NCAN: variants seen among roughly 807,000 people sequenced by gnomAD.
NCAN encodes the protein neurocan core protein.
In NCAN, 47 loss-of-function variants were observed where a neutral mutation model predicts 121.8. The observed-to-expected ratio is 0.39, with a 90% CI of 0.31 to 0.49. The LOEUF (loss-of-function observed/expected upper bound fraction) is 0.49, where lower values mean the gene tolerates loss of function less well. Among genes scored for constraint, NCAN ranks in the 20% least tolerant of loss-of-function variants. The pLI is 0.92. For synonymous variants in NCAN, 633 were observed against 702.0 expected, an observed-to-expected ratio of 0.90 and a Z score of 1.55; for missense variants, 1,517 against 1,773.4, an observed-to-expected ratio of 0.86 and a Z score of 2.60.
chr19:19,235,792 A>T (rs2060879140), intron 10 of NCAN, among the ~76,000 whole-genome samples: 1 of 151,698 alleles, frequency 6.6e-6, no homozygotes, highest in Non-Finnish European at 1.5e-5. Context: ...CCCAGGCTGG[A>T]TGGAGTGCAG....
At chr19:19,220,577 C>A (rs1257558710) in intron 3 of NCAN, among the ~76,000 whole-genome samples, 2 of 151,166 alleles carry the variant, frequency 1.3e-5, no homozygotes, top group Non-Finnish European at 2.9e-5. Flanking sequence ...CCTGCCTCAG[C>A]CTCCTGAGTA....
At position 19,218,951 on chromosome 19, in the gene NCAN, T is replaced by C. The variant is rs2060805479; in HGVS notation, c.110T>C (p.Leu37Pro). The C allele has an allele frequency of 6.5e-7, 1 of 1,528,120 alleles. No individual in the cohort carries two copies. Among genetic ancestry groups the C allele is most frequent in the Non-Finnish European group, 8.8e-7 (1 of 1,136,832 alleles). 94.7% of individuals were successfully genotyped at this position (1,528,120 alleles called of 1,614,324 possible). The change falls in exon 3 of 15, where the codon CTC (leucine) becomes CCC (proline). Residue 37 changes from leucine (L) to proline (P), a missense_variant. Coordinates refer to ENST00000252575, the MANE Select transcript of NCAN (RefSeq NM_004386.3). ...QDITDASERG[L>P]HMQKLGSGSV... ...ATCACCGATGCCAGCGAAAGGGGGC[T>C]CCACATGCAGAAGCTGGGGTCTGGG...
chr19:19,230,797 T>A (rs1189039590), intron 8 of NCAN, among the ~76,000 whole-genome samples: 1 of 145,780 alleles, frequency 6.9e-6, no homozygotes, highest in African/African-American at 2.5e-5. Context: ...GGTGCAATCA[T>A]AGCTCACTGC....
chr19:19,213,400 G>A (rs2060782586), intron 1 of NCAN, among the ~76,000 whole-genome samples: 1 of 151,278 alleles, frequency 6.6e-6, no homozygotes, highest in African/African-American at 2.4e-5. Flanking sequence ...GTGTCCATCG[G>A]TCACCAAGGC....
chr19:19,221,726 A>G (rs908463745), intron 3 of NCAN, among the ~76,000 whole-genome samples: 6 of 151,842 alleles, frequency 4.0e-5, no homozygotes, highest in African/African-American at 1.5e-4. Context: ...TCTCTACAAA[A>G]TTTTTAAAAA....
chr19:19,244,299 C>A (rs2060915705), intron 12 of NCAN, among the ~76,000 whole-genome samples: 1 of 144,808 alleles, frequency 6.9e-6, no homozygotes, highest in Non-Finnish European at 1.5e-5. Flanking sequence ...CCTGTCTGAA[C>A]CCTTACTATC....
chr19:19,239,667 C>T (rs1476109525), intron 11 of NCAN, among the ~76,000 whole-genome samples: 1 of 114,990 alleles, frequency 8.7e-6, no homozygotes, highest in Admixed American at 8.9e-5. Flanking sequence ...CTTCTTCCTC[C>T]TTTCTGCTCC....
rs758597854 is a variant in NCAN at position 19,248,898 on chromosome 19, C to T, written c.3820+16C>T. The T allele has an allele frequency of 1.2e-6, 2 of 1,612,710 alleles. No individual in the cohort carries two copies. Among genetic ancestry groups the T allele is most frequent in the Non-Finnish European group, 1.7e-6 (2 of 1,179,170 alleles). ...TGCACCAAACGTAAGTAGCTTCTCC[C>T]AGAGATCTCAACATAGGTTTTTGGT... On this transcript the variant is annotated intron_variant, in intron 14 of 14. Transcript: ENST00000252575.
chr19:19,233,895 C>A lies in NCAN; in HGVS notation c.3126C>A (p.Asn1042Lys). 6.2e-7 allele frequency: 1 copy of A among 1,608,704 alleles called. No homozygotes were observed. Among genetic ancestry groups the A allele is most frequent in the Non-Finnish European group, 8.5e-7 (1 of 1,175,130 alleles). ...CSCDQGFAGE[N>K]CEIDIDDCLC... is the part of the protein sequence containing the mutation. Reference sequence around the variant, plus strand: ...GTGATCAGGGCTTCGCCGGGGAGAACTGTGAGATTGGTGAGTACCCCAGAC... The same window carrying A: ...GTGATCAGGGCTTCGCCGGGGAGAAATGTGAGATTGGTGAGTACCCCAGAC... Residue 1042 changes from asparagine to lysine, a missense_variant, in exon 9 of 15, where the codon AAC becomes AAA. Transcript: ENST00000252575.
intron 2 of NCAN, among the ~76,000 whole-genome samples, chr19:19,218,565 C>T (rs1267688318): frequency 1.3e-5 from 2 of 151,970 alleles, no homozygotes; most frequent in Non-Finnish European, 2.9e-5. Flanking sequence ...CTCTGCCTCC[C>T]GGGTTCAAGC....
At chr19:19,237,750 G>T (rs1357000696) in intron 10 of NCAN, among the ~76,000 whole-genome samples, 1 of 152,108 alleles carries the variant, frequency 6.6e-6, no homozygotes, top group Non-Finnish European at 1.5e-5. Flanking sequence ...ACAAAGAAAA[G>T]ACATTAAGAT....
intron 12 of NCAN, among the ~76,000 whole-genome samples, chr19:19,241,843 G>A (rs984911439): frequency 6.6e-6 from 1 of 151,902 alleles, no homozygotes; most frequent in East Asian, 1.9e-4. Context: ...GCCACTAGAT[G>A]ATATATATTT....
intron 8 of NCAN, among the ~76,000 whole-genome samples, chr19:19,231,747 G>A (rs539846209): frequency 6.6e-6 from 1 of 152,212 alleles, no homozygotes; most frequent in East Asian, 2.0e-4. Context: ...TTGGGAGGCT[G>A]AGACGGAGGA....
At chr19:19,226,220 G>A (rs562375234) in intron 6 of NCAN, among the ~76,000 whole-genome samples, 5 of 152,182 alleles carry the variant, frequency 3.3e-5, no homozygotes, top group African/African-American at 7.2e-5. Flanking sequence ...GTGAGCCACC[G>A]CGCCTGGCCC....
rs184694333 is a variant in NCAN at position 19,214,339 on chromosome 19, C to A, written c.-8+2275C>A. Reference sequence around the variant, plus strand: ...TACATTATTCATGAGGGCACGGGCCCCAGACAGCTGTGTAAATGCTCATCT... The same window carrying A: ...TACATTATTCATGAGGGCACGGGCCACAGACAGCTGTGTAAATGCTCATCT... On this transcript the variant is annotated intron_variant, in intron 1 of 14. Transcript: ENST00000252575. Among the ~76,000 whole-genome samples the A allele has an allele frequency of 1.9e-3, 291 of 152,274 alleles. 5 individuals carry two copies. Among genetic ancestry groups the A allele is most frequent in the Middle Eastern group, 0.014 (4 of 294 alleles).
intron 13 of NCAN, among the ~76,000 whole-genome samples, chr19:19,247,328 A>G (rs544169442): frequency 6.6e-6 from 1 of 152,062 alleles, no homozygotes; most frequent in Non-Finnish European, 1.5e-5. Flanking sequence ...ATCTCGGCTC[A>G]CTACAAGCTC....
rs3831636 is a variant in NCAN, at chr19:19,250,971, AAC to A, written c.*1076_*1077del. 35,905 of 151,468 alleles carry A rather than the reference AAC, an allele frequency of 0.24. 5,558 individuals carry two copies. The highest frequency in any genetic ancestry group is 0.44 in the African/African-American group (18,227 of 41,252). 9.4% of individuals were successfully genotyped at this position (151,468 alleles called of 1,614,324 possible). A position where few individuals can be genotyped will look rare whatever the true frequency, so the allele number is the denominator to read the frequency against. Reference sequence around the variant, plus strand: ...CTCAGTGTTAAAACTGAAACACACAAACACACACACACACACATTTTTCTCTT... The same window carrying A: ...CTCAGTGTTAAAACTGAAACACACAAACACACACACACACATTTTTCTCTT... On this transcript the variant is annotated 3_prime_UTR_variant, in exon 15 of 15. Transcript: ENST00000252575.
chr19:19,232,096 G>C (rs568926268), intron 8 of NCAN, among the ~76,000 whole-genome samples: 1 of 152,200 alleles, frequency 6.6e-6, no homozygotes, highest in East Asian at 1.9e-4. Flanking sequence ...AAATAGAGAA[G>C]GGGCAGTCAG....
chr19:19,249,615 C>A, intron 14 of NCAN, 151 bp from the exon 15 acceptor site: 3 of 1,170,982 alleles, frequency 2.6e-6, no homozygotes, highest in Non-Finnish European at 3.6e-6. Context: ...GATCCTCCCA[C>A]TTTGGCCTCC....
Sources: gnomAD v4.1 joint callset for allele counts (sites outside exome capture counted in the v4.1 genomes callset) on GRCh38, gnomAD v4.1.1 for gene constraint, MANE v1.5 for transcripts, NCBI Gene and HGNC (gene_info 2026-07-23, HGNC 2026-07-21) for gene names.